The following VAV2 variants were observed in gnomAD, a reference collection of about 807,000 sequenced individuals.
The protein encoded by VAV2 is vav guanine nucleotide exchange factor 2, also known as guanine nucleotide exchange factor VAV2.
In VAV2, 67 loss-of-function variants were observed where a neutral mutation model predicts 132.5. The observed-to-expected ratio is 0.51, with a 90% CI of 0.42 to 0.62. The LOEUF is 0.62. Among genes scored for constraint, VAV2 ranks in the 20% least tolerant of loss-of-function variants. The pLI is 0.00. For synonymous variants in VAV2, 492 were observed against 443.5 expected, an observed-to-expected ratio of 1.11 and a Z score of -1.37; for missense variants, 938 against 1,153.6, an observed-to-expected ratio of 0.81 and a Z score of 2.71.
intron 2 of VAV2, among the ~76,000 whole-genome samples, chr9:133,911,308 G>A (rs532301552): frequency 3.3e-4 from 51 of 152,294 alleles, no homozygotes; most frequent in Non-Finnish European, 5.3e-4. Flanking sequence ...GAGAAACGCC[G>A]TGTCTGTGCT....
chr9:133,783,876 CGTTTTTTTTTT>C lies in VAV2; in HGVS notation c.1635-296_1635-286del, dbSNP rs1416941593. Reference sequence around the variant, plus strand: ...TGAAACTCTAAGGGCTTGGCTGGGCCGTTTTTTTTTTTTTTTTTTTTGGAGACAGGGTCTCA... The same window carrying C: ...TGAAACTCTAAGGGCTTGGCTGGGCCTTTTTTTTTTGGAGACAGGGTCTCA... On this transcript the variant is annotated intron_variant, in intron 18 of 29. Transcript: ENST00000371850. Among the ~76,000 whole-genome samples the C allele has an allele frequency of 6.4e-5, 8 of 124,974 alleles. 1 individual carries two copies. The highest frequency in any genetic ancestry group is 4.0e-3 in the Middle Eastern group (1 of 248). 82.0% of individuals were successfully genotyped at this position (124,974 alleles called of 152,430 possible).
intron 1 of VAV2, among the ~76,000 whole-genome samples, chr9:133,980,019 G>T (rs533006015): frequency 6.6e-6 from 1 of 152,218 alleles, no homozygotes; most frequent in Non-Finnish European, 1.5e-5. Context: ...TCAATGCCAC[G>T]AGCCAGTGCG....
At chr9:133,894,853 C>T (rs2131988756) in intron 2 of VAV2, among the ~76,000 whole-genome samples, 1 of 152,280 alleles carries the variant, frequency 6.6e-6, no homozygotes, top group South Asian at 2.1e-4. Context: ...ACGCTATGAC[C>T]CTAGGCAGGG....
chr9:133,976,921 C>T (rs1242347121), intron 1 of VAV2, among the ~76,000 whole-genome samples: 1 of 152,242 alleles, frequency 6.6e-6, no homozygotes, highest in Non-Finnish European at 1.5e-5. Context: ...CAAAAGCACA[C>T]AGTGTGAGCA....
intron 1 of VAV2, among the ~76,000 whole-genome samples, chr9:133,947,532 T>C (rs947943613): frequency 6.6e-6 from 1 of 151,960 alleles, no homozygotes; most frequent in Non-Finnish European, 1.5e-5. Context: ...AAACCTCGTC[T>C]CTACTAAAAA....
chr9:133,802,648 G>A lies in VAV2; in HGVS notation c.836+3433C>T, dbSNP rs933570446. Among the ~76,000 whole-genome samples the A allele has an allele frequency of 4.6e-5, 7 of 152,180 alleles. No homozygotes were observed. Among genetic ancestry groups the A allele is most frequent in the African/African-American group, 1.7e-4 (7 of 41,444 alleles). ...CCGTGGGTATTTGTGTGAGGATCAT[G>A]TTTTTTAACTTTCTGAGTACGTCAA... On this transcript the variant is annotated intron_variant, in intron 9 of 29. Transcript: ENST00000371850. This position sits in a 1 kb window ranked among gnomAD's most constrained non-coding sequence, Gnocchi z 5.8.
intron 1 of VAV2, among the ~76,000 whole-genome samples, chr9:133,954,780 A>G (rs897611722): frequency 2.9e-5 from 4 of 136,368 alleles, no homozygotes; most frequent in African/African-American, 8.6e-5. Context: ...GTGCACATGT[A>G]TGTGTGCATG....
intron 1 of VAV2, among the ~76,000 whole-genome samples, chr9:133,973,232 T>C (rs550880526): frequency 2.0e-5 from 3 of 152,326 alleles, no homozygotes; most frequent in African/African-American, 7.2e-5. Flanking sequence ...CTGGCCCGCC[T>C]GGCCCAGCGC....
chr9:133,788,569 G>A lies in VAV2; in HGVS notation c.1275-83C>T, dbSNP rs1231881306. 1 of 1,542,744 alleles carries A rather than the reference G, an allele frequency of 6.5e-7. No individual in the cohort carries two copies. The highest frequency in any genetic ancestry group is 1.4e-5 in the African/African-American group (1 of 73,660). On this transcript the variant is annotated intron_variant, in intron 14 of 29. Coordinates refer to ENST00000371850, the MANE Select transcript of VAV2 (RefSeq NM_001134398.2). This position sits in a 1 kb window ranked among gnomAD's most constrained non-coding sequence, Gnocchi z 5.3. ...GGAGGCGGCAGGAGCTGAGCCTGAG[G>A]CTCTGGCACGCGGCTCCCTCTCCGG...
rs1183886912 is a variant in VAV2 at position 133,843,359 on chromosome 9, CTTTG to C, written c.381-9023_381-9020del. Among the ~76,000 whole-genome samples the C allele has an allele frequency of 3.9e-5, 6 of 152,158 alleles. No homozygotes were observed. The East Asian group carries it at 5.8e-4, about 15-fold the overall frequency. On this transcript the variant is annotated intron_variant, in intron 3 of 29. Coordinates refer to ENST00000371850, the MANE Select transcript of VAV2 (RefSeq NM_001134398.2). ...TCTAATTTTGAGTTCAGAGCTCTGA[CTTTG>C]TTTGGGTTTTTTTGGTATTTTTTTG... is the stretch of plus-strand genomic sequence containing the variant.
At chr9:133,890,613 C>T (rs1838894968) in intron 2 of VAV2, among the ~76,000 whole-genome samples, 1 of 152,072 alleles carries the variant, frequency 6.6e-6, no homozygotes, top group Admixed American at 6.5e-5. Flanking sequence ...GCACTCCCCA[C>T]CCTCCCTTGC....
At chr9:133,959,060 CCAGGCA>C (rs991046601) in intron 1 of VAV2, among the ~76,000 whole-genome samples, 7 of 127,852 alleles carry the variant, frequency 5.5e-5, no homozygotes, top group African/African-American at 1.7e-4. Flanking sequence ...GGGCCCAGGC[CCAGGCA>C]GGGCTTGCAG....
chr9:133,795,565 G>T, intron 12 of VAV2, 103 bp downstream of exon 12: 1 of 1,414,940 alleles, frequency 7.1e-7, no homozygotes, highest in Non-Finnish European at 9.9e-7. Flanking sequence ...CCAGGAAACT[G>T]TCCACAGTCA....
At chr9:133,972,680 G>A (rs1223234167) in intron 1 of VAV2, among the ~76,000 whole-genome samples, 2 of 152,150 alleles carry the variant, frequency 1.3e-5, no homozygotes, top group African/African-American at 2.4e-5. Context: ...AAGCAGATCC[G>A]AAGGCAGCGG....
intron 2 of VAV2, among the ~76,000 whole-genome samples, chr9:133,874,573 C>A (rs977282550): frequency 3.9e-5 from 6 of 152,142 alleles, no homozygotes; most frequent in African/African-American, 1.2e-4. Flanking sequence ...GCTCAAGGTA[C>A]CCGCCCAGAC....
rs898086911 is a variant in VAV2, at chr9:133,780,784, C to T, written c.1724-74G>A. 1.5e-4 allele frequency: 181 copies of T among 1,248,114 alleles called. 1 individual carries two copies. The highest frequency in any genetic ancestry group is 1.8e-4 in the Non-Finnish European group (174 of 986,836). The allele number at this position is 1,248,114 out of a possible 1,614,324, so 77.3% of individuals were successfully genotyped here. ...GGCCCCGTGCAGCTCTCACTCACAC[C>T]GCCCCGAGCCTCTGGGCCGAGCTTA... On this transcript the variant is annotated intron_variant, in intron 19 of 29. Transcript: ENST00000371850.
intron 3 of VAV2, among the ~76,000 whole-genome samples, chr9:133,852,643 G>GC (rs1436412014): frequency 3.9e-5 from 6 of 152,222 alleles, no homozygotes; most frequent in Non-Finnish European, 8.8e-5. Flanking sequence ...GGCTGTTCAC[G>GC]CCCCCCTGCC....
Position 133,778,509 on chromosome 9 carries a change from G to A in VAV2, c.1890+253C>T, listed in dbSNP as rs55814499. 9.8e-5 allele frequency among the ~76,000 whole-genome samples: 15 copies of A among 152,322 alleles called. No individual in the cohort carries two copies. In the East Asian group the frequency reaches 1.5e-3, roughly 16 times the overall value. ...AGGAGGGCCTCTCCTGGGAAGGGACGCTGCATCGCCTACCATGTCAAAGCA... is the reference window on the plus strand; with the variant it reads ...AGGAGGGCCTCTCCTGGGAAGGGACACTGCATCGCCTACCATGTCAAAGCA... On this transcript the variant is annotated intron_variant, in intron 22 of 29. Coordinates refer to ENST00000371850, the MANE Select transcript of VAV2 (RefSeq NM_001134398.2).
chr9:133,809,596 T>C (rs1231119700), intron 6 of VAV2, among the ~76,000 whole-genome samples: 2 of 152,276 alleles, frequency 1.3e-5, no homozygotes, highest in African/African-American at 4.8e-5. Context: ...CCATTGCACA[T>C]GTCAGTACAG....
Sources: gnomAD v4.1 joint callset for allele counts (sites outside exome capture counted in the v4.1 genomes callset) on GRCh38, gnomAD v4.1.1 for gene constraint, Gnocchi (gnomAD v3.1) non-coding constraint, MANE v1.5 for transcripts, NCBI Gene and HGNC (gene_info 2026-07-23, HGNC 2026-07-21) for gene names.